Variants in TSPAN18 observed in about 807,000 individuals in gnomAD.
TSPAN18 encodes tetraspanin-18.
A neutral mutation model predicts 27.3 loss-of-function variants in TSPAN18; 14 were observed. The observed-to-expected ratio is 0.51, with a 90% CI of 0.34 to 0.80. TSPAN18 has a LOEUF of 0.80. Ranked by LOEUF, TSPAN18 falls within the 30% of genes least tolerant of loss-of-function variation. The probability of loss-of-function intolerance (pLI) is 0.01; values close to 1 mark genes in which losing one functional copy is unlikely to be tolerated. For synonymous variants in TSPAN18, 143 were observed against 136.5 expected (o/e 1.05, Z -0.33); for missense variants, 268 against 323.9 (o/e 0.83, Z 1.32).
intron 2 of TSPAN18, among the ~76,000 whole-genome samples, chr11:44,765,375 T>C (rs1363236384): frequency 6.6e-6 from 1 of 152,160 alleles, no homozygotes; most frequent in Non-Finnish European, 1.5e-5. Flanking sequence ...TGATTGCCTG[T>C]CTTGGGCAAA....
chr11:44,790,503 T>C (rs201713877), intron 2 of TSPAN18, among the ~76,000 whole-genome samples: 19,469 of 147,170 alleles, frequency 0.13, 1,666 homozygotes, highest in Middle Eastern at 0.19. Context: ...ATGCATATGT[T>C]TGTGTGTGCA....
intron 2 of TSPAN18, among the ~76,000 whole-genome samples, chr11:44,811,005 G>A (rs1856701490): frequency 6.6e-6 from 1 of 152,100 alleles, no homozygotes; most frequent in African/African-American, 2.4e-5. Flanking sequence ...GATGTAACCA[G>A]TAGGCATTTC....
intron 8 of TSPAN18, among the ~76,000 whole-genome samples, chr11:44,922,267 C>A (rs1860171817): frequency 6.6e-6 from 1 of 152,188 alleles, no homozygotes. Context: ...CAGGCACATG[C>A]CACCATACCC....
intron 3 of TSPAN18, among the ~76,000 whole-genome samples, chr11:44,862,376 G>T (rs1446400107): frequency 6.6e-6 from 1 of 152,202 alleles, no homozygotes; most frequent in African/African-American, 2.4e-5. Context: ...CTTGGTTTTG[G>T]TCAACCACAA....
At chr11:44,822,697 A>G (rs141130890) in intron 2 of TSPAN18, among the ~76,000 whole-genome samples, 188 of 151,952 alleles carry the variant, frequency 1.2e-3, no homozygotes, top group African/African-American at 4.3e-3. Context: ...TGGAATTACA[A>G]CCCCCTTCAG....
At chr11:44,907,140 G>A (rs891858049) in intron 4 of TSPAN18, among the ~76,000 whole-genome samples, 12 of 10,494 alleles carry the variant, frequency 1.1e-3, no homozygotes, top group Admixed American at 2.2e-3. Flanking sequence ...TGTATATGAA[G>A]GGACAGCCCC....
chr11:44,824,115 G>A (rs919199407), intron 2 of TSPAN18, among the ~76,000 whole-genome samples: 2 of 152,160 alleles, frequency 1.3e-5, no homozygotes, highest in African/African-American at 4.8e-5. Flanking sequence ...CCATCATTGA[G>A]GGTTTGGAGT....
chr11:44,776,530 A>G (rs1295806441), intron 2 of TSPAN18, among the ~76,000 whole-genome samples: 1 of 151,928 alleles, frequency 6.6e-6, no homozygotes, highest in African/African-American at 2.4e-5. Context: ...GGAAAATAGC[A>G]CCTCTCCTGA....
At chr11:44,799,278 G>T (rs1361899184) in intron 2 of TSPAN18, among the ~76,000 whole-genome samples, 1 of 151,762 alleles carries the variant, frequency 6.6e-6, no homozygotes, top group Non-Finnish European at 1.5e-5. Flanking sequence ...CATGGGGAGA[G>T]GGTTTTTGTC....
At chr11:44,817,999 T>C (rs1380544777) in intron 2 of TSPAN18, among the ~76,000 whole-genome samples, 3 of 152,228 alleles carry the variant, frequency 2.0e-5, no homozygotes, top group Non-Finnish European at 4.4e-5. Flanking sequence ...GAGAGGCCTG[T>C]AGCTGAGATC....
chr11:44,797,418 G>C (rs1244140311), intron 2 of TSPAN18, among the ~76,000 whole-genome samples: 1 of 152,134 alleles, frequency 6.6e-6, no homozygotes, highest in Non-Finnish European at 1.5e-5. Context: ...TTTGGTGGGG[G>C]CCACGGTACC....
At chr11:44,884,790 T>C (rs1858594050) in intron 3 of TSPAN18, among the ~76,000 whole-genome samples, 1 of 152,254 alleles carries the variant, frequency 6.6e-6, no homozygotes, top group South Asian at 2.1e-4. Context: ...TGCCAGAAGC[T>C]GCACAGCCAC....
At chr11:44,855,843 T>C (rs1857723271) in intron 2 of TSPAN18, among the ~76,000 whole-genome samples, 1 of 151,146 alleles carries the variant, frequency 6.6e-6, no homozygotes, top group African/African-American at 2.4e-5. Flanking sequence ...ATTTTCTGTT[T>C]CCATTGCCTG....
intron 3 of TSPAN18, among the ~76,000 whole-genome samples, chr11:44,880,492 A>G (rs59872861): frequency 7.4e-4 from 113 of 152,338 alleles, no homozygotes; most frequent in African/African-American, 2.7e-3. Context: ...AGCACACAGA[A>G]GGTCTCCTGG....
At chr11:44,825,971 C>T (rs1011619062) in intron 2 of TSPAN18, among the ~76,000 whole-genome samples, 6 of 152,188 alleles carry the variant, frequency 3.9e-5, no homozygotes, top group African/African-American at 1.4e-4. Flanking sequence ...GGAGCTTCTC[C>T]TCTCTCAGCC....
chr11:44,839,358 T>C (rs1178173844), intron 2 of TSPAN18, among the ~76,000 whole-genome samples: 1 of 152,196 alleles, frequency 6.6e-6, no homozygotes, highest in African/African-American at 2.4e-5. Context: ...CAGACACTCC[T>C]GGGATTAGGC....
intron 8 of TSPAN18, 101 bp downstream of exon 8, chr11:44,920,100 C>A (rs1860071442): frequency 1.7e-6 from 2 of 1,174,220 alleles, no homozygotes; most frequent in African/African-American, 3.1e-5. Flanking sequence ...TGAAGCTACC[C>A]CAGGAATCCC....
At chr11:44,916,124 C>T (rs981339758) in intron 5 of TSPAN18, among the ~76,000 whole-genome samples, 5 of 152,194 alleles carry the variant, frequency 3.3e-5, no homozygotes, top group East Asian at 1.9e-4. Context: ...TGCCAGGCCT[C>T]GGAGATGTTT....
intron 5 of TSPAN18, among the ~76,000 whole-genome samples, chr11:44,910,743 G>A (rs911285182): frequency 6.6e-6 from 1 of 152,202 alleles, no homozygotes; most frequent in Admixed American, 6.5e-5. Flanking sequence ...TTCACTGGGT[G>A]CTGAAGATAT....
Sources: gnomAD v4.1 joint callset for allele counts (sites outside exome capture counted in the v4.1 genomes callset) on GRCh38, gnomAD v4.1.1 for gene constraint, MANE v1.5 for transcripts, NCBI Gene and HGNC (gene_info 2026-07-23, HGNC 2026-07-21) for gene names.